Variants in ARHGAP26 observed in about 807,000 individuals in gnomAD.
ARHGAP26 encodes Rho GTPase activating protein 26, also known as rho GTPase-activating protein 26.
ARHGAP26 carries 38 observed loss-of-function variants against 104.8 expected under a neutral mutation model. The observed-to-expected ratio is 0.36, with a 90% CI of 0.28 to 0.48. The LOEUF (loss-of-function observed/expected upper bound fraction) is 0.48. ARHGAP26 is among the 20% of genes least tolerant of loss of function. ARHGAP26 has a pLI of 0.99. For missense variants in ARHGAP26, 704 were observed against 947.9 expected, an observed-to-expected ratio of 0.74 and a Z score of 3.38; for synonymous variants, 341 against 340.0, an observed-to-expected ratio of 1.00 and a Z score of -0.03.
At chr5:142,789,598 G>A (rs13181851) in intron 1 of ARHGAP26, among the ~76,000 whole-genome samples, 13,909 of 152,176 alleles carry the variant, frequency 0.091, 1,206 homozygotes, top group African/African-American at 0.24. Flanking sequence ...ATCTGTTGTA[G>A]TACTTAACAA....
At chr5:143,222,285 CCCACA>C in intron 22 of ARHGAP26, 68 bp from the exon 23 acceptor site, 1 of 938,242 alleles carries the variant, frequency 1.1e-6, no homozygotes, top group Middle Eastern at 2.6e-4. Context: ...ACACACACAC[CCCACA>C]CACACATCTG....
chr5:142,827,769 T>C (rs1205893591), intron 1 of ARHGAP26, among the ~76,000 whole-genome samples: 1 of 152,208 alleles, frequency 6.6e-6, no homozygotes, highest in East Asian at 1.9e-4. Flanking sequence ...AAAAAGGACC[T>C]ACCTGTCAGG....
chr5:142,897,468 C>G (rs1272921876), intron 6 of ARHGAP26, among the ~76,000 whole-genome samples: 2 of 152,176 alleles, frequency 1.3e-5, no homozygotes, highest in African/African-American at 4.8e-5. Context: ...GGTATTCATA[C>G]AGTGAAAAAG....
chr5:143,121,166 C>G lies in ARHGAP26; in HGVS notation c.1698+19C>G. On this transcript the variant is annotated intron_variant, in intron 18 of 22. Coordinates refer to ENST00000645722, the MANE Select transcript of ARHGAP26 (RefSeq NM_001135608.3). ...CGAAAAGGTAATATGTAATTGATCACTTGCAGTGAAGAATGTACCTGGGGG... is the reference window on the plus strand; with the variant it reads ...CGAAAAGGTAATATGTAATTGATCAGTTGCAGTGAAGAATGTACCTGGGGG... 1 of 1,606,852 alleles carries G rather than the reference C, an allele frequency of 6.2e-7. No individual in the cohort carries two copies. Among genetic ancestry groups the G allele is most frequent in the Non-Finnish European group, 8.5e-7 (1 of 1,175,206 alleles).
chr5:142,962,999 C>T (rs1770519927), intron 11 of ARHGAP26, among the ~76,000 whole-genome samples: 1 of 151,686 alleles, frequency 6.6e-6, no homozygotes, highest in South Asian at 2.1e-4. Flanking sequence ...TTCCCCTCTG[C>T]GTTCATGAGT....
intron 1 of ARHGAP26, among the ~76,000 whole-genome samples, chr5:142,868,304 C>T (rs1754685719): frequency 6.6e-6 from 1 of 152,034 alleles, no homozygotes; most frequent in East Asian, 1.9e-4. Context: ...CAGCTGGAGC[C>T]CAGAGAGGGG....
Position 143,226,450 on chromosome 5 carries a change from C to T in ARHGAP26, c.*4004C>T, listed in dbSNP as rs1007477248. On this transcript the variant is annotated 3_prime_UTR_variant, in exon 23 of 23. Transcript: ENST00000645722. ...GAGCCAAGATCACGCCCCTGCACTC[C>T]AGCCTGGGTGACAGAGCCAGACTCC... The T allele has an allele frequency of 6.3e-5, 11 of 174,990 alleles. No homozygotes were observed. Among genetic ancestry groups the T allele is most frequent in the African/African-American group, 2.2e-4 (9 of 40,750 alleles). 10.8% of individuals were successfully genotyped at this position (174,990 alleles called of 1,614,324 possible). A position where few individuals can be genotyped will look rare whatever the true frequency, so the allele number is the denominator to read the frequency against.
At chr5:142,934,552 G>A (rs574623940) in intron 11 of ARHGAP26, among the ~76,000 whole-genome samples, 19 of 152,266 alleles carry the variant, frequency 1.2e-4, no homozygotes, top group African/African-American at 4.3e-4. Context: ...AGAGATATAT[G>A]TCCAGTAGAC....
At chr5:143,187,535 C>A (rs772528852) in intron 20 of ARHGAP26, among the ~76,000 whole-genome samples, 3 of 152,124 alleles carry the variant, frequency 2.0e-5, no homozygotes, top group African/African-American at 7.2e-5. Flanking sequence ...GTGGAGGAGG[C>A]GTGTGGAAGC....
intron 1 of ARHGAP26, among the ~76,000 whole-genome samples, chr5:142,841,199 A>C (rs1043490238): frequency 6.6e-6 from 1 of 152,154 alleles, no homozygotes; most frequent in African/African-American, 2.4e-5. Context: ...TCCTACCTTC[A>C]TGTAGGCAGA....
intron 20 of ARHGAP26, among the ~76,000 whole-genome samples, chr5:143,196,851 C>T (rs1393683788): frequency 6.6e-6 from 1 of 152,196 alleles, no homozygotes; most frequent in Non-Finnish European, 1.5e-5. Flanking sequence ...TTTTGCTGCT[C>T]TGCACATGTC....
At chr5:142,791,413 G>C (rs983650735) in intron 1 of ARHGAP26, among the ~76,000 whole-genome samples, 3 of 152,106 alleles carry the variant, frequency 2.0e-5, no homozygotes, top group Non-Finnish European at 4.4e-5. Flanking sequence ...TTATCAGGTA[G>C]GGGAAAGGGG....
At chr5:143,207,966 C>T (rs2074635) in intron 21 of ARHGAP26, among the ~76,000 whole-genome samples, 41,815 of 152,070 alleles carry the variant, frequency 0.27, 6,411 homozygotes, top group South Asian at 0.53. Flanking sequence ...AAATTGCTCA[C>T]GGCTTATGCC....
chr5:143,207,978 C>T (rs1339947332), intron 21 of ARHGAP26, among the ~76,000 whole-genome samples: 1 of 152,144 alleles, frequency 6.6e-6, no homozygotes, highest in African/African-American at 2.4e-5. Flanking sequence ...GCTTATGCCT[C>T]GTTGTCCCCC....
intron 20 of ARHGAP26, among the ~76,000 whole-genome samples, chr5:143,159,199 G>C (rs853168): frequency 0.24 from 36,913 of 152,048 alleles, 4,705 homozygotes; most frequent in East Asian, 0.39. Flanking sequence ...TGCCTTGGCC[G>C]TCTCCTTCCC....
At chr5:142,904,850 G>A (rs1760890587) in intron 8 of ARHGAP26, among the ~76,000 whole-genome samples, 1 of 152,160 alleles carries the variant, frequency 6.6e-6, no homozygotes, top group African/African-American at 2.4e-5. Context: ...GTAGAGTTAG[G>A]CAGATGTCTT....
Position 143,207,276 on chromosome 5 carries a change from C to G in ARHGAP26, c.2067C>G (p.Thr689=). 6.2e-7 allele frequency: 1 copy of G among 1,614,178 alleles called. No homozygotes were observed. Among genetic ancestry groups the G allele is most frequent in the South Asian group, 1.1e-5 (1 of 91,086 alleles). The change falls in exon 21 of 23, where the codon ACC becomes ACG. Residue 689 remains threonine, a synonymous_variant. Transcript: ENST00000645722. ...CGGCGCCATCCAGCCCTATGCCCAC[C>G]TCATCCACGTCCAGCGACTCATCCC... The part of the protein sequence containing the change: ...MFSAPSSPMP[T]SSTSSDSSPV...
chr5:142,834,004 C>G (rs1396309406), intron 1 of ARHGAP26, among the ~76,000 whole-genome samples: 3 of 152,138 alleles, frequency 2.0e-5, no homozygotes, highest in Non-Finnish European at 4.4e-5. Context: ...AAGCCATGTT[C>G]AGTTTTAAAC....
At chr5:142,955,980 T>C (rs886564082) in intron 11 of ARHGAP26, among the ~76,000 whole-genome samples, 2 of 152,210 alleles carry the variant, frequency 1.3e-5, no homozygotes, top group African/African-American at 4.8e-5. Flanking sequence ...TAGAACAATC[T>C]CTGGAGGGCT....
Sources: gnomAD v4.1 joint callset for allele counts (sites outside exome capture counted in the v4.1 genomes callset) on GRCh38, gnomAD v4.1.1 for gene constraint, MANE v1.5 for transcripts, NCBI Gene and HGNC (gene_info 2026-07-23, HGNC 2026-07-21) for gene names.